The following SPATA17 variants were observed in gnomAD, a reference collection of about 807,000 sequenced individuals.
SPATA17 encodes spermatogenesis associated 17.
Under a neutral mutation model 62.2 loss-of-function variants are expected in SPATA17, and 53 were observed. The observed-to-expected ratio is 0.85, with a 90% confidence interval of 0.68 to 1.07. The LOEUF is 1.07. Among genes scored for constraint, SPATA17 ranks in the 50% least tolerant of loss-of-function variants. The probability of loss-of-function intolerance (pLI) is 0.00; values close to 1 mark genes in which losing one functional copy is unlikely to be tolerated. For missense variants in SPATA17, 466 were observed against 425.5 expected, an observed-to-expected ratio of 1.10 and a Z score of -0.84; for synonymous variants, 146 against 146.8, an observed-to-expected ratio of 0.99 and a Z score of 0.04.
Position 217,870,426 on chromosome 1 carries a change from AG to A in SPATA17, c.*3408del, listed in dbSNP as rs1676107119. ...TGATAACTACAGAGGTGTCCAGATG[AG>A]TAAAAACTGCCTTTGCATTAAGGTG... On this transcript the variant is annotated 3_prime_UTR_variant, in exon 11 of 11. Coordinates refer to ENST00000366933, the MANE Select transcript of SPATA17 (RefSeq NM_138796.4). The A allele has an allele frequency of 6.6e-6, 1 of 152,184 alleles. No individual in the cohort carries two copies. Among genetic ancestry groups the A allele is most frequent in the Non-Finnish European group, 1.5e-5 (1 of 68,030 alleles). 9.4% of individuals were successfully genotyped at this position (152,184 alleles called of 1,614,324 possible). A position where few individuals can be genotyped will look rare whatever the true frequency, so the allele number is the denominator to read the frequency against.
intron 5 of SPATA17, 49 bp downstream of exon 5, chr1:217,683,410 C>T (rs1360362265): frequency 1.7e-6 from 2 of 1,185,898 alleles, no homozygotes; most frequent in South Asian, 1.2e-5. Context: ...GGAAAGATTA[C>T]TCAATAGATG....
At chr1:217,787,939 G>A (rs1186135932) in intron 8 of SPATA17, among the ~76,000 whole-genome samples, 1 of 152,250 alleles carries the variant, frequency 6.6e-6, no homozygotes, top group South Asian at 2.1e-4. Flanking sequence ...AAATTTCAGA[G>A]GGGAACATTT....
intron 8 of SPATA17, among the ~76,000 whole-genome samples, chr1:217,801,066 C>G (rs369663708): frequency 6.6e-6 from 1 of 152,024 alleles, no homozygotes; most frequent in African/African-American, 2.4e-5. Context: ...CTTTTAGCAC[C>G]AACATTATTT....
chr1:217,845,771 A>C (rs1232255895), intron 9 of SPATA17, among the ~76,000 whole-genome samples: 1 of 152,130 alleles, frequency 6.6e-6, no homozygotes, highest in Non-Finnish European at 1.5e-5. Context: ...AAGCATCAAA[A>C]GACTTGCTGG....
chr1:217,701,187 C>A (rs1671588041), intron 5 of SPATA17, among the ~76,000 whole-genome samples: 1 of 151,576 alleles, frequency 6.6e-6, no homozygotes, highest in Non-Finnish European at 1.5e-5. Flanking sequence ...GTTGGCCAGG[C>A]TGGTCTCAAA....
intron 9 of SPATA17, among the ~76,000 whole-genome samples, chr1:217,828,203 C>T (rs1337509639): frequency 6.6e-6 from 1 of 152,128 alleles, no homozygotes; most frequent in Non-Finnish European, 1.5e-5. Flanking sequence ...ATAATCAAAA[C>T]AGTATGGTAC....
intron 9 of SPATA17, among the ~76,000 whole-genome samples, chr1:217,848,038 A>G (rs917021507): frequency 2.5e-4 from 38 of 152,180 alleles, no homozygotes; most frequent in African/African-American, 8.4e-4. Context: ...GCTGTCTCAA[A>G]AAAAAAGGAC....
chr1:217,778,495 T>G (rs1673652167), intron 7 of SPATA17, among the ~76,000 whole-genome samples: 1 of 152,202 alleles, frequency 6.6e-6, no homozygotes, highest in Admixed American at 6.5e-5. Flanking sequence ...CACTCCAGCC[T>G]GGGTGAGAGA....
intron 4 of SPATA17, 143 bp downstream of exon 4, chr1:217,669,226 A>G: frequency 3.0e-6 from 2 of 668,672 alleles, no homozygotes; most frequent in Non-Finnish European, 5.0e-6. Flanking sequence ...TTAAAAAGTT[A>G]GTTATGCTAA....
intron 3 of SPATA17, among the ~76,000 whole-genome samples, chr1:217,652,045 A>G (rs899306040): frequency 6.6e-6 from 1 of 152,178 alleles, no homozygotes; most frequent in African/African-American, 2.4e-5. Context: ...CCTAATCTCC[A>G]TAAGGACAGA....
chr1:217,837,319 A>G (rs559374601), intron 9 of SPATA17, among the ~76,000 whole-genome samples: 19 of 152,218 alleles, frequency 1.2e-4, no homozygotes, highest in South Asian at 4.1e-4. Flanking sequence ...CACAAGTCAT[A>G]TTTAAAATAT....
At chr1:217,795,362 C>CTTT (rs71560537) in intron 8 of SPATA17, among the ~76,000 whole-genome samples, 1,483 of 69,202 alleles carry the variant, frequency 0.021, 46 homozygotes, top group Non-Finnish European at 0.029. Context: ...ACAAAAGTCT[C>CTTT]TTTTTTTTTT....
chr1:217,642,459 C>G (rs555940058), intron 1 of SPATA17, among the ~76,000 whole-genome samples: 5 of 152,268 alleles, frequency 3.3e-5, no homozygotes, highest in East Asian at 3.9e-4. Flanking sequence ...CCTCATTGTT[C>G]TAATGCTTTC....
At chr1:217,784,531 C>A (rs1461604947) in intron 8 of SPATA17, among the ~76,000 whole-genome samples, 1 of 151,976 alleles carries the variant, frequency 6.6e-6, no homozygotes, top group Non-Finnish European at 1.5e-5. Flanking sequence ...GTATAATCTT[C>A]GGTTAGTAAT....
intron 5 of SPATA17, among the ~76,000 whole-genome samples, chr1:217,701,337 ATGTG>A (rs548724240): frequency 6.6e-6 from 1 of 151,088 alleles, no homozygotes; most frequent in Non-Finnish European, 1.5e-5. Context: ...GTGTGTATAT[ATGTG>A]TGTGTGTATA....
chr1:217,717,243 T>C lies in SPATA17; in HGVS notation c.396-24732T>C, dbSNP rs188038554. On this transcript the variant is annotated intron_variant, in intron 5 of 10. Transcript: ENST00000366933. Reference sequence around the variant, plus strand: ...GACTTAGTCATGGCCAATGAGACATTAGAAGGATATTAAAAGAAACAGAAC... The same window carrying C: ...GACTTAGTCATGGCCAATGAGACATCAGAAGGATATTAAAAGAAACAGAAC... 4.3e-4 allele frequency among the ~76,000 whole-genome samples: 65 copies of C among 152,270 alleles called. 1 individual carries two copies. The highest frequency in any genetic ancestry group is 1.5e-3 in the Admixed American group (23 of 15,280).
rs974715757 is a variant in SPATA17, at chr1:217,678,205, C to CTT, written c.292-5033_292-5032dup. Among the ~76,000 whole-genome samples the CTT allele has an allele frequency of 2.6e-3, 283 of 107,420 alleles. 1 individual carries two copies. Among genetic ancestry groups the CTT allele is most frequent in the African/African-American group, 3.4e-3 (96 of 28,312 alleles). 70.5% of individuals were successfully genotyped at this position (107,420 alleles called of 152,430 possible). ...CATGCCTTCATTTTTCTTTTCTTTT[C>CTT]TTTTTTTTTTTTTTTTTTTTTGAGA... On this transcript the variant is annotated intron_variant, in intron 4 of 10. Transcript: ENST00000366933.
At chr1:217,672,988 T>C (rs981040543) in intron 4 of SPATA17, among the ~76,000 whole-genome samples, 1 of 152,154 alleles carries the variant, frequency 6.6e-6, no homozygotes, top group African/African-American at 2.4e-5. Context: ...AATAAATCAA[T>C]GAATGCTGGC....
intron 8 of SPATA17, among the ~76,000 whole-genome samples, chr1:217,794,059 T>A (rs1674073105): frequency 7.0e-6 from 1 of 142,546 alleles, no homozygotes. Flanking sequence ...GAGCTTGCAG[T>A]GAGCCAAGAT....
Sources: allele counts gnomAD v4.1 joint callset (sites outside exome capture counted in the v4.1 genomes callset), GRCh38; gene constraint gnomAD v4.1.1; transcripts MANE v1.5; gene names NCBI Gene and HGNC (gene_info 2026-07-23, HGNC 2026-07-21).